The following LIX1 variants were observed in gnomAD, a reference collection of about 807,000 sequenced individuals.
LIX1 encodes limb and CNS expressed 1, also known as protein limb expression 1 homolog.
LIX1 carries 24 observed loss-of-function variants against 33.4 expected under a neutral mutation model. The ratio of observed to expected loss-of-function variants is 0.72; its 90% confidence interval spans 0.52 to 1.01. LIX1 has a LOEUF of 1.01. Among genes scored for constraint, LIX1 ranks in the 50% least tolerant of loss-of-function variants. The pLI is 0.00. For synonymous variants in LIX1, 124 were observed against 124.0 expected (o/e 1.00, Z 0.00); for missense variants, 311 against 339.2 (o/e 0.92, Z 0.65).
At chr5:97,111,075 T>C (rs543733217) in intron 2 of LIX1, among the ~76,000 whole-genome samples, 2 of 152,264 alleles carry the variant, frequency 1.3e-5, no homozygotes, top group Admixed American at 1.3e-4. Flanking sequence ...AGTCTAGGCT[T>C]GGAGGACTAC....
At chr5:97,134,952 C>G (rs1448341580) in intron 1 of LIX1, among the ~76,000 whole-genome samples, 1 of 152,174 alleles carries the variant, frequency 6.6e-6, no homozygotes, top group Non-Finnish European at 1.5e-5. Flanking sequence ...GAGGGACTTT[C>G]CTTTGGTAAC....
At chr5:97,106,416 G>C (rs1331353646) in intron 3 of LIX1, among the ~76,000 whole-genome samples, 2 of 152,206 alleles carry the variant, frequency 1.3e-5, no homozygotes, top group Non-Finnish European at 2.9e-5. Context: ...GGGGAAAAGG[G>C]TCACATCTAG....
chr5:97,129,720 C>T (rs192749189), intron 1 of LIX1, among the ~76,000 whole-genome samples: 9 of 152,290 alleles, frequency 5.9e-5, no homozygotes, highest in Non-Finnish European at 1.5e-5. Context: ...GTAATATAGA[C>T]AATGCTCATT....
chr5:97,131,474 T>A (rs981950402), intron 1 of LIX1, among the ~76,000 whole-genome samples: 1 of 152,228 alleles, frequency 6.6e-6, no homozygotes, highest in Admixed American at 6.5e-5. Context: ...GCTAATAAAA[T>A]GGATGTGGTG....
intron 2 of LIX1, among the ~76,000 whole-genome samples, chr5:97,114,660 G>T (rs1747587638): frequency 6.6e-6 from 1 of 152,138 alleles, no homozygotes; most frequent in African/African-American, 2.4e-5. Context: ...CATATAATAA[G>T]ATTTGCGGGT....
chr5:97,130,917 A>G (rs1181977567), intron 1 of LIX1, among the ~76,000 whole-genome samples: 1 of 152,220 alleles, frequency 6.6e-6, no homozygotes, highest in Non-Finnish European at 1.5e-5. Flanking sequence ...TTGTGCTTCA[A>G]TAGCAAGAAA....
At chr5:97,124,880 G>A (rs316219) in intron 1 of LIX1, among the ~76,000 whole-genome samples, 68,563 of 151,850 alleles carry the variant, frequency 0.45, 16,127 homozygotes, top group African/African-American at 0.58. Context: ...TTCTTAATGA[G>A]TAAGGCTCAA....
chr5:97,139,019 C>T (rs1484034462), intron 1 of LIX1, among the ~76,000 whole-genome samples: 1 of 152,180 alleles, frequency 6.6e-6, no homozygotes, highest in Admixed American at 6.6e-5. Context: ...TCAACCTGTA[C>T]TGCTATTACA....
intron 5 of LIX1, 115 bp from the exon 6 acceptor site, chr5:97,095,150 C>T (rs1746312288): frequency 3.0e-6 from 3 of 1,005,018 alleles, no homozygotes; most frequent in Non-Finnish European, 2.9e-6. Context: ...CCCCATCTCT[C>T]TCATGTTCAA....
At chr5:97,100,196 A>C (rs1212400453) in intron 4 of LIX1, among the ~76,000 whole-genome samples, 1 of 152,196 alleles carries the variant, frequency 6.6e-6, no homozygotes, top group Non-Finnish European at 1.5e-5. Flanking sequence ...CTGTGAACAG[A>C]ACCAAAACCC....
At position 97,117,559 on chromosome 5, in the gene LIX1, CT is replaced by C. The variant is rs368934263; in HGVS notation, c.246+6906del. On this transcript the variant is annotated intron_variant, in intron 2 of 5. Coordinates refer to ENST00000274382, the MANE Select transcript of LIX1 (RefSeq NM_153234.5). ...CTTAGTTTATTGTGATTTAAATGTA[CT>C]TTTAATTCCATGGACTTTGAGAAGA... Among the ~76,000 whole-genome samples, 591 of 152,286 alleles carry C rather than the reference CT, an allele frequency of 3.9e-3. 5 individuals carry two copies. Among genetic ancestry groups the C allele is most frequent in the African/African-American group, 0.013 (559 of 41,548 alleles).
intron 4 of LIX1, among the ~76,000 whole-genome samples, chr5:97,102,851 G>T (rs1482194701): frequency 6.6e-6 from 1 of 151,878 alleles, no homozygotes; most frequent in Non-Finnish European, 1.5e-5. Flanking sequence ...CTGTGTACTG[G>T]GGCAGGCAAT....
intron 2 of LIX1, among the ~76,000 whole-genome samples, chr5:97,115,187 A>G (rs1378382645): frequency 6.6e-6 from 1 of 152,224 alleles, no homozygotes; most frequent in Non-Finnish European, 1.5e-5. Context: ...GCTGTCCTGA[A>G]ATAAAATAAT....
chr5:97,136,396 C>G (rs1369268919), intron 1 of LIX1, among the ~76,000 whole-genome samples: 1 of 152,168 alleles, frequency 6.6e-6, no homozygotes, highest in Non-Finnish European at 1.5e-5. Flanking sequence ...AAGGAGAACA[C>G]CTGACAGTGG....
At chr5:97,124,674 A>C (rs764651086) in intron 1 of LIX1, 45 bp from the exon 2 acceptor site, 1 of 1,541,324 alleles carries the variant, frequency 6.5e-7, no homozygotes, top group Non-Finnish European at 8.8e-7. Context: ...GATGGACATA[A>C]TCTGGTGCAA....
At chr5:97,121,921 G>A (rs1747793801) in intron 2 of LIX1, among the ~76,000 whole-genome samples, 2 of 152,154 alleles carry the variant, frequency 1.3e-5, no homozygotes, top group Admixed American at 1.3e-4. Context: ...TGAATGGGGT[G>A]TATTGACAGG....
At chr5:97,097,955 AATCC>A (rs1432880489) in intron 4 of LIX1, among the ~76,000 whole-genome samples, 1 of 152,162 alleles carries the variant, frequency 6.6e-6, no homozygotes, top group Non-Finnish European at 1.5e-5. Flanking sequence ...TGAAATGACC[AATCC>A]ATTTTTGTCC....
At chr5:97,130,867 T>C (rs1002499372) in intron 1 of LIX1, among the ~76,000 whole-genome samples, 5 of 152,240 alleles carry the variant, frequency 3.3e-5, no homozygotes, top group African/African-American at 1.2e-4. Flanking sequence ...AATTGCTTTC[T>C]CTAACACGGT....
intron 1 of LIX1, among the ~76,000 whole-genome samples, chr5:97,129,315 A>G (rs1748002930): frequency 6.6e-6 from 1 of 152,164 alleles, no homozygotes; most frequent in East Asian, 1.9e-4. Context: ...AACATCATGG[A>G]TATCACTTGG....
Sources: gnomAD v4.1 joint callset for allele counts (sites outside exome capture counted in the v4.1 genomes callset) on GRCh38, gnomAD v4.1.1 for gene constraint, MANE v1.5 for transcripts, NCBI Gene and HGNC (gene_info 2026-07-23, HGNC 2026-07-21) for gene names.